The following LRRC4C variants were observed in gnomAD, a reference collection of about 807,000 sequenced individuals.
The protein encoded by LRRC4C is leucine rich repeat containing 4C.
Under a neutral mutation model 33.6 loss-of-function variants are expected in LRRC4C, and 5 were observed. The ratio of observed to expected loss-of-function variants is 0.15; its 90% CI spans 0.08 to 0.31. The LOEUF is 0.31. LRRC4C is among the 10% of genes least tolerant of loss of function. The pLI, the probability that LRRC4C is intolerant of heterozygous loss-of-function variation, is 1.00. For synonymous variants in LRRC4C, 329 were observed against 302.0 expected, an observed-to-expected ratio of 1.09 and a Z score of -0.93; for missense variants, 560 against 796.7, an observed-to-expected ratio of 0.70 and a Z score of 3.58.
At chr11:41,360,037 GC>G (rs1444049535) in intron 1 of LRRC4C, among the ~76,000 whole-genome samples, 1 of 152,098 alleles carries the variant, frequency 6.6e-6, no homozygotes, top group Non-Finnish European at 1.5e-5. Flanking sequence ...ACAAAAATTA[GC>G]TGGGCACAGT....
intron 6 of LRRC4C, among the ~76,000 whole-genome samples, chr11:40,132,382 C>T (rs1419223552): frequency 6.6e-6 from 1 of 152,142 alleles, no homozygotes; most frequent in Non-Finnish European, 1.5e-5. Context: ...ACAACTTAAA[C>T]ACCAGTACAC....
intron 5 of LRRC4C, among the ~76,000 whole-genome samples, chr11:40,142,298 A>G (rs1360980354): frequency 6.6e-6 from 1 of 151,450 alleles, no homozygotes; most frequent in East Asian, 1.9e-4. Context: ...AAAAAAAAAA[A>G]AAAAAACCTC....
chr11:41,320,214 T>C (rs1202026838), intron 1 of LRRC4C, among the ~76,000 whole-genome samples: 1 of 152,240 alleles, frequency 6.6e-6, no homozygotes, highest in Non-Finnish European at 1.5e-5. Flanking sequence ...ATAGTGGTTT[T>C]GTTTTAAATA....
chr11:41,044,538 A>G, intron 1 of LRRC4C, among the ~76,000 whole-genome samples: 1 of 152,122 alleles, frequency 6.6e-6, no homozygotes, highest in Non-Finnish European at 1.5e-5. Context: ...GTAGAACCAA[A>G]TTTGTTAACT....
chr11:41,336,240 T>C (rs1360039484), intron 1 of LRRC4C, among the ~76,000 whole-genome samples: 4 of 151,920 alleles, frequency 2.6e-5, no homozygotes, highest in Non-Finnish European at 5.9e-5. Context: ...TTATAGACTT[T>C]CCTTTTTTTT....
Position 40,733,914 on chromosome 11 carries a change from AG to A in LRRC4C, c.-406-85637del, listed in dbSNP as rs1055502864. 4.1e-4 allele frequency among the ~76,000 whole-genome samples: 62 copies of A among 152,310 alleles called. 1 individual carries two copies. In the Middle Eastern group the frequency reaches 0.017, roughly 42 times the overall value. ...GGATCCTTAAATTTTGAGAAAAGTA[AG>A]TCAGAATAGGTGGGTTTGGAGACAT... On this transcript the variant is annotated intron_variant, in intron 2 of 6. Transcript: ENST00000528697.
intron 2 of LRRC4C, among the ~76,000 whole-genome samples, chr11:40,693,774 T>G (rs566640431): frequency 6.6e-6 from 1 of 151,990 alleles, no homozygotes; most frequent in East Asian, 1.9e-4. Context: ...TCTTAAAAAA[T>G]TATCCAGGTA....
intron 3 of LRRC4C, among the ~76,000 whole-genome samples, chr11:40,525,843 A>C (rs1156938782): frequency 6.6e-6 from 1 of 152,220 alleles, no homozygotes; most frequent in African/African-American, 2.4e-5. Context: ...GATTGATTTT[A>C]AAGCTGTAGT....
chr11:40,534,337 G>A (rs1283585528), intron 3 of LRRC4C, among the ~76,000 whole-genome samples: 1 of 151,974 alleles, frequency 6.6e-6, no homozygotes, highest in Non-Finnish European at 1.5e-5. Flanking sequence ...ATATATATGT[G>A]TATATATACA....
chr11:40,168,910 AAGCCATC>A (rs1365319390), intron 5 of LRRC4C, among the ~76,000 whole-genome samples: 2 of 152,214 alleles, frequency 1.3e-5, no homozygotes, highest in African/African-American at 4.8e-5. Context: ...TTTTAATGAA[AAGCCATC>A]GCCTTCATGT....
intron 2 of LRRC4C, among the ~76,000 whole-genome samples, chr11:40,717,619 C>T (rs59711802): frequency 0.52 from 78,969 of 151,378 alleles, 20,716 homozygotes; most frequent in African/African-American, 0.56. Context: ...TCCTGTAGTG[C>T]CTGTAGGTAC....
chr11:40,534,633 C>A (rs1168088774), intron 3 of LRRC4C, among the ~76,000 whole-genome samples: 1 of 152,126 alleles, frequency 6.6e-6, no homozygotes, highest in Non-Finnish European at 1.5e-5. Flanking sequence ...TCTTGACATT[C>A]CTTTTGGTTT....
At chr11:40,302,049 A>T (rs1001576239) in intron 4 of LRRC4C, among the ~76,000 whole-genome samples, 4 of 152,254 alleles carry the variant, frequency 2.6e-5, no homozygotes, top group Non-Finnish European at 5.9e-5. Flanking sequence ...TTGATTCACT[A>T]TACATATCTA....
At chr11:40,456,226 G>A (rs1383123933) in intron 3 of LRRC4C, among the ~76,000 whole-genome samples, 2 of 152,046 alleles carry the variant, frequency 1.3e-5, no homozygotes, top group African/African-American at 2.4e-5. Flanking sequence ...TTGAGAAAAA[G>A]CAAGAAGCAA....
intron 1 of LRRC4C, among the ~76,000 whole-genome samples, chr11:41,272,298 T>C (rs1357125440): frequency 1.3e-5 from 2 of 152,078 alleles, no homozygotes; most frequent in Non-Finnish European, 2.9e-5. Context: ...TCAAAATAAC[T>C]GGGGTGGGTG....
At chr11:40,465,793 G>T (rs2138232316) in intron 3 of LRRC4C, among the ~76,000 whole-genome samples, 1 of 152,028 alleles carries the variant, frequency 6.6e-6, no homozygotes, top group South Asian at 2.1e-4. Flanking sequence ...TGTTGGTGAG[G>T]ATGCAAACAA....
intron 1 of LRRC4C, among the ~76,000 whole-genome samples, chr11:41,325,537 A>G (rs1951081603): frequency 6.9e-6 from 1 of 145,808 alleles, no homozygotes; most frequent in East Asian, 2.0e-4. Flanking sequence ...ACTATGTTTC[A>G]CTTATAAGGA....
intron 3 of LRRC4C, among the ~76,000 whole-genome samples, chr11:40,631,580 A>G (rs1304404859): frequency 2.6e-5 from 4 of 152,176 alleles, no homozygotes; most frequent in Non-Finnish European, 5.9e-5. Context: ...GAGGCTTCAG[A>G]AAGTTTGTGG....
intron 1 of LRRC4C, among the ~76,000 whole-genome samples, chr11:41,151,015 A>G (rs1565429705): frequency 6.6e-6 from 1 of 150,404 alleles, no homozygotes; most frequent in African/African-American, 2.4e-5. Context: ...TGCTCCCTGC[A>G]ACACACACAC....
Sources: allele counts gnomAD v4.1 joint callset (sites outside exome capture counted in the v4.1 genomes callset), GRCh38; gene constraint gnomAD v4.1.1; transcripts MANE v1.5; gene names NCBI Gene and HGNC (gene_info 2026-07-23, HGNC 2026-07-21).